Variants in SCEL observed in about 807,000 individuals in gnomAD.
SCEL encodes sciellin.
Under a neutral mutation model 117.6 loss-of-function variants are expected in SCEL, and 113 were observed. The ratio of observed to expected loss-of-function variants is 0.96; its 90% confidence interval spans 0.83 to 1.12. SCEL has a LOEUF of 1.12. Among genes scored for constraint, SCEL ranks in the 50% most tolerant of loss-of-function variants. SCEL has a pLI of 0.00. For synonymous variants in SCEL, 270 were observed against 256.2 expected (o/e 1.05, Z -0.51); for missense variants, 785 against 810.8 (o/e 0.97, Z 0.39).
chr13:77,556,700 C>T lies in SCEL; in HGVS notation c.148C>T (p.Pro50Ser). 6.2e-7 allele frequency: 1 copy of T among 1,612,666 alleles called. No homozygotes were observed. Among genetic ancestry groups the T allele is most frequent in the Admixed American group, 1.7e-5 (1 of 60,010 alleles). ...GGATAACAGTTGGATAAAGAAACGC[C>T]CTGAAGAAGAAAAGTAAGCTGGTGT... ...LQDNSWIKKR[P>S]EEEKDENYGR... is the part of the protein sequence containing the mutation. The change falls in exon 3 of 33, where the codon CCT (proline) becomes TCT (serine). Residue 50 changes from proline (P) to serine (S), a missense_variant. Physicochemically the swap from Pro to Ser is moderately conservative, Grantham distance 74 (BLOSUM62 -1). Coordinates refer to ENST00000349847, the MANE Select transcript of SCEL (RefSeq NM_144777.3).
chr13:77,552,992 C>G (rs1200828322), intron 1 of SCEL, among the ~76,000 whole-genome samples: 2 of 152,182 alleles, frequency 1.3e-5, no homozygotes, highest in African/African-American at 4.8e-5. Context: ...TTGTTTTTCT[C>G]AGGTTTGTCA....
chr13:77,575,521 A>T (rs1231087419), intron 9 of SCEL, among the ~76,000 whole-genome samples: 1 of 152,200 alleles, frequency 6.6e-6, no homozygotes, highest in East Asian at 1.9e-4. Flanking sequence ...GTGTCATTTT[A>T]TGTATGATAT....
intron 1 of SCEL, among the ~76,000 whole-genome samples, chr13:77,542,082 A>T (rs1288181094): frequency 1.3e-5 from 2 of 152,242 alleles, no homozygotes; most frequent in Non-Finnish European, 2.9e-5. Context: ...TATTCATGTT[A>T]AAGCTTGCTG....
chr13:77,620,090 G>T (rs1003611505), intron 27 of SCEL, among the ~76,000 whole-genome samples: 1 of 152,190 alleles, frequency 6.6e-6, no homozygotes, highest in East Asian at 1.9e-4. Context: ...TGGCTATCGT[G>T]TGGTTTTAAG....
intron 27 of SCEL, among the ~76,000 whole-genome samples, chr13:77,622,441 T>A (rs1004805987): frequency 1.3e-5 from 2 of 152,206 alleles, no homozygotes; most frequent in East Asian, 1.9e-4. Context: ...TAAGACAGTG[T>A]TATAGTTTTT....
chr13:77,589,158 A>G lies in SCEL; in HGVS notation c.560A>G (p.His187Arg), dbSNP rs1454974916. 1.9e-6 allele frequency: 3 copies of G among 1,612,718 alleles called. No individual in the cohort carries two copies. Among genetic ancestry groups the G allele is most frequent in the African/African-American group, 2.7e-5 (2 of 74,986 alleles). The change falls in exon 10 of 33, where the codon CAC becomes CGC. Residue 187 changes from histidine (H) to arginine (R), a missense_variant. By Grantham distance (29) the His-to-Arg change is conservative. Transcript: ENST00000349847. ...TGTRRREPGVHPPIPPKPSSP... is the reference protein window; with the variant it reads ...TGTRRREPGVRPPIPPKPSSP... ...CTGTTTTAAAGGGAACCAGGTGTTC[A>G]CCCTCCAATACCTCCAAAGCCCAGT... is the stretch of plus-strand genomic sequence containing the variant.
chr13:77,634,308 A>G, intron 28 of SCEL, 71 bp from the exon 29 acceptor site: 1 of 1,224,376 alleles, frequency 8.2e-7, no homozygotes, highest in Admixed American at 1.8e-5. Context: ...GCATTGAATT[A>G]GAAAATAGCC....
Position 77,640,545 on chromosome 13 carries a change from T to TG in SCEL, c.1839-130dup, listed in dbSNP as rs3837561. On this transcript the variant is annotated intron_variant, in intron 30 of 32. Transcript: ENST00000349847. ...GAATAAATAAACTCCAAACTTTCCT[T>TG]GTTTTTTTGTGAAATTTTCTAAAGT... 34 of 406,066 alleles carry TG rather than the reference T, an allele frequency of 8.4e-5. No homozygotes were observed. In the East Asian group the frequency reaches 1.3e-3, roughly 15 times the overall value. The allele number at this position is 406,066 out of a possible 1,614,324, so 25.2% of individuals were successfully genotyped here.
chr13:77,617,198 A>G (rs577315869), intron 24 of SCEL, among the ~76,000 whole-genome samples: 8 of 152,252 alleles, frequency 5.3e-5, no homozygotes, highest in South Asian at 2.1e-4. Flanking sequence ...TAAGCTTTAT[A>G]TGAAGAATAA....
chr13:77,563,787 A>G, intron 4 of SCEL, 44 bp from the exon 5 acceptor site: 1 of 1,444,226 alleles, frequency 6.9e-7, no homozygotes, highest in Non-Finnish European at 9.5e-7. Context: ...TTTTTTTTGT[A>G]ATTGATTTGA....
chr13:77,561,467 T>G (rs475308), intron 4 of SCEL, among the ~76,000 whole-genome samples: 26,260 of 152,124 alleles, frequency 0.17, 2,559 homozygotes, highest in African/African-American at 0.24. Context: ...CATCACAGAA[T>G]CAATCTCCCT....
chr13:77,571,655 C>A (rs1054223864), intron 8 of SCEL, among the ~76,000 whole-genome samples: 12 of 151,460 alleles, frequency 7.9e-5, no homozygotes, highest in Admixed American at 2.0e-4. Context: ...CGCCATTACA[C>A]TCCGGCCTGG....
chr13:77,562,240 A>T (rs1295527440), intron 4 of SCEL, among the ~76,000 whole-genome samples: 2 of 152,154 alleles, frequency 1.3e-5, no homozygotes. Flanking sequence ...AAGCAGTAGG[A>T]AGACAACGGC....
intron 19 of SCEL, among the ~76,000 whole-genome samples, chr13:77,606,743 G>C (rs759359226): frequency 6.6e-6 from 1 of 152,128 alleles, no homozygotes; most frequent in Non-Finnish European, 1.5e-5. Context: ...GCATCTAGTT[G>C]CTTCCAAATA....
intron 30 of SCEL, among the ~76,000 whole-genome samples, chr13:77,639,181 G>A (rs1297514241): frequency 6.6e-6 from 1 of 152,076 alleles, no homozygotes; most frequent in Non-Finnish European, 1.5e-5. Flanking sequence ...ATGGATGAAG[G>A]ACATAGAGCA....
At chr13:77,559,641 G>A (rs1056076889) in intron 3 of SCEL, among the ~76,000 whole-genome samples, 163 bp from the exon 4 acceptor site, 1 of 152,174 alleles carries the variant, frequency 6.6e-6, no homozygotes, top group African/African-American at 2.4e-5. Context: ...CTTTCAAGTG[G>A]TGACTGGTTA....
intron 32 of SCEL, 125 bp from the exon 33 acceptor site, chr13:77,644,133 G>C: frequency 5.0e-6 from 5 of 1,006,346 alleles, no homozygotes; most frequent in South Asian, 1.4e-5. Flanking sequence ...GATTATTTCA[G>C]AAGTGGAAGG....
chr13:77,612,927 T>C lies in SCEL; in HGVS notation c.1374T>C (p.Pro458=), dbSNP rs775686979. 1.3e-6 allele frequency: 2 copies of C among 1,564,494 alleles called. No individual in the cohort carries two copies. The highest frequency in any genetic ancestry group is 4.8e-5 in the East Asian group (2 of 42,046). Residue 458 remains proline, a synonymous_variant, in exon 23 of 33, where the codon CCT becomes CCC. Coordinates refer to ENST00000349847, the MANE Select transcript of SCEL (RefSeq NM_144777.3). The stretch of plus-strand genomic sequence containing the variant: ...TGGAAAATCTTATCAAAGTGATCCC[T>C]TCAGCAAACAAAAGGTAAACTTATT... ...QDLENLIKVI[P]SANKSSEQGL... is the part of the protein sequence containing the mutation.
intron 12 of SCEL, among the ~76,000 whole-genome samples, chr13:77,596,361 A>C (rs2087228976): frequency 6.6e-6 from 1 of 152,128 alleles, no homozygotes; most frequent in African/African-American, 2.4e-5. Context: ...GCAAGCATTT[A>C]TTAAACAAAA....
Sources: gnomAD v4.1 joint callset for allele counts (sites outside exome capture counted in the v4.1 genomes callset) on GRCh38, gnomAD v4.1.1 for gene constraint, MANE v1.5 for transcripts, NCBI Gene and HGNC (gene_info 2026-07-23, HGNC 2026-07-21) for gene names.